VWA3B: variants seen among roughly 807,000 people sequenced by gnomAD.
VWA3B encodes von Willebrand factor A domain containing 3B.
VWA3B carries 138 observed loss-of-function variants against 158.3 expected under a neutral mutation model. That is an observed-to-expected ratio of 0.87 (90% CI 0.76 to 1.00). The LOEUF (loss-of-function observed/expected upper bound fraction) is 1.00, where lower values mean the gene tolerates loss of function less well. Ranked by LOEUF, VWA3B falls within the 50% of genes least tolerant of loss-of-function variation. The probability of loss-of-function intolerance (pLI) is 0.00; values close to 1 mark genes in which losing one functional copy is unlikely to be tolerated. For missense variants in VWA3B, 1,555 were observed against 1,565.1 expected (o/e 0.99, Z 0.11); for synonymous variants, 596 against 587.3 (o/e 1.01, Z -0.21).
chr2:98,115,552 A>T, intron 2 of VWA3B, 100 bp from the exon 3 acceptor site: 1 of 829,630 alleles, frequency 1.2e-6, no homozygotes, highest in Non-Finnish European at 2.0e-6. Context: ...ATGGCACAAG[A>T]TATAATTTGA....
intron 6 of VWA3B, among the ~76,000 whole-genome samples, chr2:98,128,977 G>A (rs547144671): frequency 5.3e-5 from 8 of 152,334 alleles, no homozygotes; most frequent in Non-Finnish European, 1.0e-4. Flanking sequence ...TGCGTGGCAC[G>A]CTGTGCCCCT....
chr2:98,107,959 A>T (rs1673807187), intron 2 of VWA3B, among the ~76,000 whole-genome samples: 1 of 151,320 alleles, frequency 6.6e-6, no homozygotes, highest in African/African-American at 2.4e-5. Context: ...AGCTTTGATT[A>T]TTGATTTGAG....
At chr2:98,226,706 A>G (rs1171505058) in intron 14 of VWA3B, among the ~76,000 whole-genome samples, 1 of 150,800 alleles carries the variant, frequency 6.6e-6, no homozygotes, top group Non-Finnish European at 1.5e-5. Context: ...ATATATGAAG[A>G]ACTCTTAAAA....
chr2:98,265,150 A>G (rs2202386), intron 21 of VWA3B, among the ~76,000 whole-genome samples: 59,571 of 147,336 alleles, frequency 0.4, 12,585 homozygotes, highest in Admixed American at 0.46. Flanking sequence ...CCACTAACTC[A>G]TCATCTAGCA....
intron 8 of VWA3B, among the ~76,000 whole-genome samples, chr2:98,174,557 G>T (rs1679851903): frequency 6.6e-6 from 1 of 152,158 alleles, no homozygotes; most frequent in Admixed American, 6.5e-5. Context: ...GGCTGACTAA[G>T]GTTGTAGATA....
intron 7 of VWA3B, 54 bp from the exon 8 acceptor site, chr2:98,162,797 C>T: frequency 1.2e-6 from 2 of 1,601,744 alleles, no homozygotes; most frequent in East Asian, 2.2e-5. Flanking sequence ...AGGCGGGCTG[C>T]CACATTCCTG....
chr2:98,250,414 C>T lies in VWA3B; in HGVS notation c.2770C>T (p.Gln924Ter), dbSNP rs1161229486. The part of the protein sequence containing the change: ...KLNIYKRKVE[Q>*]AIQSYEKRLN... ...CAATATCTACAAGCGAAAAGTGGAA[C>T]AGGCAATTCAATCCTATGAAAAGTG... is the stretch of plus-strand genomic sequence containing the variant. Residue 924 changes from glutamine to a stop codon, truncating the protein, a stop_gained, in exon 20 of 28, where the codon CAG (glutamine) becomes TAG (stop). Coordinates refer to ENST00000477737, the MANE Select transcript of VWA3B (RefSeq NM_144992.5). LOFTEE classifies it high-confidence loss of function. 1.9e-6 allele frequency: 3 copies of T among 1,611,282 alleles called. No individual in the cohort carries two copies. The African/African-American group carries it at 4.0e-5, about 22-fold the overall frequency.
At chr2:98,162,400 A>G (rs950511391) in intron 7 of VWA3B, among the ~76,000 whole-genome samples, 1 of 152,198 alleles carries the variant, frequency 6.6e-6, no homozygotes, top group Admixed American at 6.5e-5. Flanking sequence ...TCACTATTAC[A>G]TTGGGGGAAA....
rs1037373082 is a variant in VWA3B, at chr2:98,276,991, A to G, written c.3045+6108A>G. Among the ~76,000 whole-genome samples, 10 of 152,228 alleles carry G rather than the reference A, an allele frequency of 6.6e-5. No homozygotes were observed. In the Middle Eastern group the frequency reaches 0.01, roughly 155 times the overall value. On this transcript the variant is annotated intron_variant, in intron 22 of 27. Coordinates refer to ENST00000477737, the MANE Select transcript of VWA3B (RefSeq NM_144992.5). ...ACGGCAGCAAATGCTGTGTCCAGGG[A>G]GCCTGTGCCTGCTTTTTATGCTCCA...
chr2:98,326,583 A>G, the VWA3B span, among the ~76,000 whole-genome samples: 1 of 151,990 alleles, frequency 6.6e-6, no homozygotes, highest in Non-Finnish European at 1.5e-5. Flanking sequence ...AAACATAGTA[A>G]GACCCCATCT....
At chr2:98,248,839 C>T (rs1051304129) in intron 19 of VWA3B, among the ~76,000 whole-genome samples, 2 of 21,990 alleles carry the variant, frequency 9.1e-5, no homozygotes, top group South Asian at 8.9e-3. Context: ...TTCTTTCTTT[C>T]TTTCTTTCTT....
At chr2:98,267,965 A>G (rs1186385569) in intron 21 of VWA3B, among the ~76,000 whole-genome samples, 1 of 152,166 alleles carries the variant, frequency 6.6e-6, no homozygotes, top group South Asian at 2.1e-4. Flanking sequence ...TCCTAGACAC[A>G]TACACTCTCC....
At chr2:98,180,285 C>G (rs1680452213) in intron 8 of VWA3B, among the ~76,000 whole-genome samples, 1 of 152,140 alleles carries the variant, frequency 6.6e-6, no homozygotes, top group African/African-American at 2.4e-5. Flanking sequence ...ACCTCCGCCT[C>G]CCAGGTTGAA....
intron 2 of VWA3B, among the ~76,000 whole-genome samples, chr2:98,105,397 T>G (rs933029035): frequency 6.6e-6 from 1 of 152,240 alleles, no homozygotes; most frequent in African/African-American, 2.4e-5. Context: ...GAATTTGACA[T>G]GTATGCAATG....
At chr2:98,188,203 TC>T in intron 10 of VWA3B, 74 bp downstream of exon 10, 1 of 1,535,728 alleles carries the variant, frequency 6.5e-7, no homozygotes, top group Non-Finnish European at 8.8e-7. Flanking sequence ...TCTTTTTTCC[TC>T]CCTTTTATTT....
intron 2 of VWA3B, among the ~76,000 whole-genome samples, chr2:98,101,863 T>A (rs1488086523): frequency 6.6e-6 from 1 of 151,612 alleles, no homozygotes; most frequent in Non-Finnish European, 1.5e-5. Flanking sequence ...TTTTTATTTT[T>A]TATTTTTTTA....
intron 20 of VWA3B, among the ~76,000 whole-genome samples, chr2:98,253,779 C>T (rs1172335420): frequency 6.6e-6 from 1 of 152,060 alleles, no homozygotes; most frequent in Non-Finnish European, 1.5e-5. Flanking sequence ...ATCCCTTAGC[C>T]AAATTTCTCT....
intron 7 of VWA3B, among the ~76,000 whole-genome samples, chr2:98,154,490 G>GC (rs1677894303): frequency 6.6e-6 from 1 of 152,024 alleles, no homozygotes; most frequent in African/African-American, 2.4e-5. Flanking sequence ...AGGAGAGTAA[G>GC]CCCCTAAGCC....
intron 8 of VWA3B, among the ~76,000 whole-genome samples, chr2:98,163,916 A>C (rs1415680527): frequency 6.6e-6 from 1 of 152,228 alleles, no homozygotes; most frequent in African/African-American, 2.4e-5. Context: ...TGCAGAGATG[A>C]GCATAGAAGT....
Sources: allele counts gnomAD v4.1 joint callset (sites outside exome capture counted in the v4.1 genomes callset), GRCh38; gene constraint gnomAD v4.1.1; transcripts MANE v1.5; gene names NCBI Gene and HGNC (gene_info 2026-07-23, HGNC 2026-07-21).